CRACD: variants seen among roughly 807,000 people sequenced by gnomAD.
CRACD encodes capping protein inhibiting regulator of actin dynamics, also known as capping protein-inhibiting regulator of actin dynamics.
Under a neutral mutation model 106.8 loss-of-function variants are expected in CRACD, and 56 were observed. The observed-to-expected ratio is 0.52, with a 90% CI of 0.42 to 0.66. The LOEUF is 0.66. CRACD is among the 30% of genes least tolerant of loss of function. CRACD has a pLI of 0.00. For synonymous variants in CRACD, 754 were observed against 670.8 expected, an observed-to-expected ratio of 1.12 and a Z score of -1.92; for missense variants, 1,730 against 1,623.2, an observed-to-expected ratio of 1.07 and a Z score of -1.13.
chr4:56,142,921 C>G (rs889598238), intron 1 of CRACD, among the ~76,000 whole-genome samples: 1 of 151,968 alleles, frequency 6.6e-6, no homozygotes, highest in African/African-American at 2.4e-5. Flanking sequence ...TCTGGTACCA[C>G]ATTATTTAAA....
intron 1 of CRACD, among the ~76,000 whole-genome samples, chr4:56,165,811 A>T (rs1736120114): frequency 6.6e-6 from 1 of 152,230 alleles, no homozygotes; most frequent in Admixed American, 6.5e-5. Context: ...TAAATTAGCA[A>T]GCAAAGAGTT....
rs1291937996 is a variant in CRACD, at chr4:56,313,135, T to C, written c.355-62T>C. On this transcript the variant is annotated intron_variant, in intron 6 of 10. Transcript: ENST00000682029. The stretch of plus-strand genomic sequence containing the variant: ...CACACTGGAACGAGTGCCACCGTTC[T>C]GCGATTCCCTGCAGGTTGTCTTCTG... 57 of 1,466,100 alleles carry C rather than the reference T, an allele frequency of 3.9e-5. 1 individual carries two copies. In the South Asian group the frequency reaches 5.2e-4, roughly 13 times the overall value. The allele number at this position is 1,466,100 out of a possible 1,614,324, so 90.8% of individuals were successfully genotyped here. A position where few individuals can be genotyped will look rare whatever the true frequency, so the allele number is the denominator to read the frequency against.
At chr4:56,307,842 G>C in intron 5 of CRACD, 143 bp downstream of exon 5, 6 of 753,236 alleles carry the variant, frequency 8.0e-6, no homozygotes, top group Non-Finnish European at 1.1e-5. Flanking sequence ...GCACTTCCTG[G>C]TAGGTGTCCT....
chr4:56,326,945 G>C (rs1746487000), intron 10 of CRACD, among the ~76,000 whole-genome samples: 1 of 151,652 alleles, frequency 6.6e-6, no homozygotes, highest in Non-Finnish European at 1.5e-5. Flanking sequence ...TCACCATGTT[G>C]GCCAGGCTGG....
chr4:56,323,335 G>A (rs781574200), intron 8 of CRACD, 42 bp from the exon 9 acceptor site: 1 of 1,559,452 alleles, frequency 6.4e-7, no homozygotes, highest in South Asian at 1.2e-5. Context: ...TAAGTCCGCA[G>A]TTAAGTTCAT....
rs753419890 is a variant in CRACD, at chr4:56,314,750, G to T, written c.1248G>T (p.Arg416Ser). ...EEGQAHLEDW[R>S]GQLSELLNDF... ...GCCAGGCGCACCTGGAGGACTGGAGGGGGCAGCTCAGTGAGCTTCTGAACG... is the reference window on the plus strand; with the variant it reads ...GCCAGGCGCACCTGGAGGACTGGAGTGGGCAGCTCAGTGAGCTTCTGAACG... Residue 416 changes from arginine (R) to serine (S), a missense_variant, in exon 8 of 11, where the codon AGG becomes AGT. Coordinates refer to ENST00000682029, the MANE Select transcript of CRACD (RefSeq NM_001393381.1). The surrounding 1 kb of genome is among the most constrained non-coding windows in gnomAD (Gnocchi z 4.4). 3.2e-6 allele frequency: 5 copies of T among 1,586,536 alleles called. No homozygotes were observed. Among genetic ancestry groups the T allele is most frequent in the South Asian group, 1.2e-5 (1 of 86,828 alleles).
chr4:56,328,651 A>C lies in CRACD; in HGVS notation c.*847A>C. ...TCCCTCCTAGGGCCTACTCAATCAG[A>C]GCCTGTGGGGACTGGGCCAGGAATA... On this transcript the variant is annotated 3_prime_UTR_variant, in exon 11 of 11. Coordinates refer to ENST00000682029, the MANE Select transcript of CRACD (RefSeq NM_001393381.1). 4.0e-6 allele frequency: 1 copy of C among 251,980 alleles called. No individual in the cohort carries two copies. The highest frequency in any genetic ancestry group is 7.9e-6 in the Non-Finnish European group (1 of 127,138). The allele number at this position is 251,980 out of a possible 1,614,324, so 15.6% of individuals were successfully genotyped here.
intron 2 of CRACD, among the ~76,000 whole-genome samples, chr4:56,199,444 G>A (rs1737773004): frequency 6.6e-6 from 1 of 152,152 alleles, no homozygotes. Context: ...AGCACTTTGG[G>A]AGGCCGAGGC....
chr4:56,232,700 C>CTTTATTTATTTATTTA (rs71666123), intron 2 of CRACD, among the ~76,000 whole-genome samples: 2,717 of 141,602 alleles, frequency 0.019, 36 homozygotes, highest in South Asian at 0.023. Flanking sequence ...AAACATGTAT[C>CTTTATTTATTTATTTA]TTTATTTATT....
chr4:56,142,292 A>T (rs979254725), intron 1 of CRACD, among the ~76,000 whole-genome samples: 13 of 152,172 alleles, frequency 8.5e-5, no homozygotes, highest in African/African-American at 2.9e-4. Flanking sequence ...ATAGTATTTC[A>T]TGGTTATGCC....
intron 2 of CRACD, among the ~76,000 whole-genome samples, chr4:56,229,950 A>G (rs539234373): frequency 3.1e-4 from 47 of 152,376 alleles, no homozygotes; most frequent in African/African-American, 1.1e-3. Context: ...AACTTTGAGC[A>G]AATATTACTG....
At chr4:56,140,388 T>C (rs1373336533) in intron 1 of CRACD, among the ~76,000 whole-genome samples, 1 of 152,240 alleles carries the variant, frequency 6.6e-6, no homozygotes, top group Non-Finnish European at 1.5e-5. Flanking sequence ...TCGTGTCCCA[T>C]GCACCTTCTA....
chr4:56,115,610 A>G (rs1437293682), intron 1 of CRACD, among the ~76,000 whole-genome samples: 2 of 152,184 alleles, frequency 1.3e-5, no homozygotes, highest in African/African-American at 2.4e-5. Flanking sequence ...TACGGAGGAA[A>G]TGGAGATTCA....
At chr4:56,135,021 C>T (rs1006873415) in intron 1 of CRACD, among the ~76,000 whole-genome samples, 16 of 151,948 alleles carry the variant, frequency 1.1e-4, no homozygotes, top group African/African-American at 3.6e-4. Context: ...CGGTGACTCA[C>T]GCCTGTAATC....
chr4:56,314,641 AG>A lies in CRACD; in HGVS notation c.1143del (p.Pro382ArgfsTer42), dbSNP rs1370522135. 1.3e-6 allele frequency: 2 copies of A among 1,543,354 alleles called. No individual in the cohort carries two copies. The highest frequency in any genetic ancestry group is 8.7e-7 in the Non-Finnish European group (1 of 1,143,032). ...CTGGAACAGCAGGAGGCGGAGGTGC[AG>A]GGGCCGCCCGAGGCGTTGGAGGAGA... ...EELEQQEAEV[Q>X]GPPEALEETG... On this transcript the variant is annotated frameshift_variant, in exon 8 of 11. Transcript: ENST00000682029. LOFTEE classifies it high-confidence loss of function. The surrounding 1 kb of genome is among the most constrained non-coding windows in gnomAD (Gnocchi z 4.4).
Position 56,316,553 on chromosome 4 carries a change from G to A in CRACD, c.3051G>A (p.Ser1017=), listed in dbSNP as rs1165019084. 64 of 1,613,058 alleles carry A rather than the reference G, an allele frequency of 4.0e-5. 1 individual carries two copies. The highest frequency in any genetic ancestry group is 1.6e-4 in the Middle Eastern group (1 of 6,062). ...AGAGCAGTGACCGCCGGCCACCCTC[G>A]CCCCCAGGCCCCGAGGAAAGGAAGG... The part of the protein sequence containing the change: ...DQESSDRRPP[S]PPGPEERKGQ... The change falls in exon 8 of 11, where the codon TCG becomes TCA. Residue 1017 remains serine, a synonymous_variant. Transcript: ENST00000682029.
intron 2 of CRACD, among the ~76,000 whole-genome samples, chr4:56,258,774 G>C (rs1741520194): frequency 1.5e-5 from 2 of 131,544 alleles, no homozygotes; most frequent in African/African-American, 3.2e-5. Context: ...TCATAGACTG[G>C]GTAGTCAGAG....
rs180705459 is a variant in CRACD, at chr4:56,088,026, T to C, written c.-336+38727T>C. On this transcript the variant is annotated intron_variant, in intron 1 of 10. Coordinates refer to ENST00000682029, the MANE Select transcript of CRACD (RefSeq NM_001393381.1). ...TTAAATGCATTATCATTTCACACAC[T>C]TGAAAATTCTTTCAAGAATTTTCTA... Among the ~76,000 whole-genome samples, 55 of 152,250 alleles carry C rather than the reference T, an allele frequency of 3.6e-4. 1 individual carries two copies. The highest frequency in any genetic ancestry group is 2.2e-3 in the Admixed American group (33 of 15,294).
chr4:56,262,560 T>C (rs1403129334), intron 2 of CRACD, among the ~76,000 whole-genome samples: 1 of 152,178 alleles, frequency 6.6e-6, no homozygotes, highest in Non-Finnish European at 1.5e-5. Flanking sequence ...TGTAAGTGTA[T>C]TTTATGTGTG....
Sources: gnomAD v4.1 joint callset for allele counts (sites outside exome capture counted in the v4.1 genomes callset) on GRCh38, gnomAD v4.1.1 for gene constraint, Gnocchi (gnomAD v3.1) non-coding constraint, MANE v1.5 for transcripts, NCBI Gene and HGNC (gene_info 2026-07-23, HGNC 2026-07-21) for gene names.